SEC24B: variants seen among roughly 807,000 people sequenced by gnomAD.
The protein encoded by SEC24B is SEC24 homolog B, COPII component.
In SEC24B, 45 loss-of-function variants were observed where a neutral mutation model predicts 142.8. That is an observed-to-expected ratio of 0.32 (90% CI 0.25 to 0.40). SEC24B has a LOEUF of 0.40. Ranked by LOEUF, SEC24B falls within the 10% of genes least tolerant of loss-of-function variation. The pLI, the probability that SEC24B is intolerant of heterozygous loss-of-function variation, is 1.00. For missense variants in SEC24B, 1,409 were observed against 1,526.8 expected (o/e 0.92, Z 1.29); for synonymous variants, 574 against 568.2 (o/e 1.01, Z -0.15).
chr4:109,531,691 G>T (rs1017800103), intron 20 of SEC24B, among the ~76,000 whole-genome samples, 169 bp downstream of exon 20: 7 of 152,112 alleles, frequency 4.6e-5, no homozygotes, highest in African/African-American at 1.7e-4. Context: ...TGATTGGATG[G>T]CAGGACTCTT....
At position 109,454,493 on chromosome 4, in the gene SEC24B, G is replaced by A. The variant is rs1329807840; in HGVS notation, c.134-8408G>A. Among the ~76,000 whole-genome samples, 8 of 150,862 alleles carry A rather than the reference G, an allele frequency of 5.3e-5. No individual in the cohort carries two copies. In the East Asian group the frequency reaches 5.9e-4, roughly 11 times the overall value. Reference sequence around the variant, plus strand: ...GTGGAGATTGGGGTGAGCTGAGATCGCACCACTGCACTCCAGCCTGGGTGA... The same window carrying A: ...GTGGAGATTGGGGTGAGCTGAGATCACACCACTGCACTCCAGCCTGGGTGA... On this transcript the variant is annotated intron_variant, in intron 1 of 23. Coordinates refer to ENST00000265175, the MANE Select transcript of SEC24B (RefSeq NM_006323.5).
rs561477110 is a variant in SEC24B, at chr4:109,512,517, A to C, written c.1903+434A>C. On this transcript the variant is annotated intron_variant, in intron 9 of 23. Transcript: ENST00000265175. ...CCCTACTAGAGTTGCTTTCAAATTTATGTTTCTCTGTCTGATTTTTTTCCA... is the reference window on the plus strand; with the variant it reads ...CCCTACTAGAGTTGCTTTCAAATTTCTGTTTCTCTGTCTGATTTTTTTCCA... 9.2e-5 allele frequency among the ~76,000 whole-genome samples: 14 copies of C among 152,058 alleles called. 1 individual carries two copies. The South Asian group carries it at 2.9e-3, about 32-fold the overall frequency.
At chr4:109,492,364 C>T (rs143661807) in intron 5 of SEC24B, among the ~76,000 whole-genome samples, 60 of 152,170 alleles carry the variant, frequency 3.9e-4, no homozygotes, top group African/African-American at 1.4e-3. Context: ...CAAAAACAAT[C>T]TCTTATCAAG....
In SEC24B at chr4:109,520,496, G is replaced by A. The variant is rs76320679; in HGVS notation, c.2245+12G>A. The A allele has an allele frequency of 7.9e-3, 11,932 of 1,508,978 alleles. 125 individuals are homozygous for A. Among genetic ancestry groups the A allele is most frequent in the African/African-American group, 0.041 (2,964 of 72,542 alleles). The allele number at this position is 1,508,978 out of a possible 1,614,324, so 93.5% of individuals were successfully genotyped here. The stretch of plus-strand genomic sequence containing the variant: ...GTCTGATATAGATGGTAAGCAGTCA[G>A]TAAAATAAAAGCCTTTCTAACTACG... On this transcript the variant is annotated intron_variant, in intron 12 of 23. Coordinates refer to ENST00000265175, the MANE Select transcript of SEC24B (RefSeq NM_006323.5).
chr4:109,437,486 C>T (rs891651739), intron 1 of SEC24B, among the ~76,000 whole-genome samples: 1 of 152,094 alleles, frequency 6.6e-6, no homozygotes, highest in Non-Finnish European at 1.5e-5. Flanking sequence ...GACTGAGTCT[C>T]ACCATGTTGC....
intron 22 of SEC24B, among the ~76,000 whole-genome samples, chr4:109,536,558 C>G (rs1447987780): frequency 6.6e-6 from 1 of 152,150 alleles, no homozygotes; most frequent in Non-Finnish European, 1.5e-5. Flanking sequence ...GAGATGGAGT[C>G]TCACTCTGTC....
At chr4:109,436,731 C>T (rs569482716) in intron 1 of SEC24B, among the ~76,000 whole-genome samples, 2 of 152,304 alleles carry the variant, frequency 1.3e-5, no homozygotes, top group South Asian at 4.2e-4. Flanking sequence ...TGAGTCCCCA[C>T]CCATCATCCC....
chr4:109,465,504 C>T (rs1288843634), intron 2 of SEC24B, among the ~76,000 whole-genome samples: 1 of 152,174 alleles, frequency 6.6e-6, no homozygotes, highest in Non-Finnish European at 1.5e-5. Context: ...TCTTCTGTCT[C>T]CCTCAGAACC....
chr4:109,503,579 C>G (rs13133491), intron 6 of SEC24B, among the ~76,000 whole-genome samples: 15,602 of 152,106 alleles, frequency 0.1, 894 homozygotes, highest in Middle Eastern at 0.19. Context: ...AAACTGGCCT[C>G]GAACTCCTGA....
rs1579004068 is a variant in SEC24B, at chr4:109,531,590, G to C, written c.3390+68G>C. The C allele has an allele frequency of 2.5e-6, 3 of 1,209,778 alleles. No individual in the cohort carries two copies. The East Asian group carries it at 7.1e-5, about 29-fold the overall frequency. 74.9% of individuals were successfully genotyped at this position (1,209,778 alleles called of 1,614,324 possible). On this transcript the variant is annotated intron_variant, in intron 20 of 23. Coordinates refer to ENST00000265175, the MANE Select transcript of SEC24B (RefSeq NM_006323.5). Reference sequence around the variant, plus strand: ...TTTGAGTGTCTTGTTCTACAGCTAAGATGATAATATACTATCAACTGGTTT... The same window carrying C: ...TTTGAGTGTCTTGTTCTACAGCTAACATGATAATATACTATCAACTGGTTT...
At chr4:109,475,879 A>G (rs1186545043) in intron 3 of SEC24B, among the ~76,000 whole-genome samples, 6 of 152,138 alleles carry the variant, frequency 3.9e-5, no homozygotes, top group Non-Finnish European at 8.8e-5. Flanking sequence ...CATGACCATA[A>G]TATATAAAAT....
chr4:109,526,523 A>C, intron 17 of SEC24B, 124 bp downstream of exon 17: 1 of 621,942 alleles, frequency 1.6e-6, no homozygotes, highest in East Asian at 3.1e-5. Context: ...TGTATTAGTT[A>C]ATCAAACATA....
At chr4:109,462,720 G>A (rs1731400627) in intron 1 of SEC24B, among the ~76,000 whole-genome samples, 181 bp from the exon 2 acceptor site, 5 of 152,174 alleles carry the variant, frequency 3.3e-5, no homozygotes, top group Non-Finnish European at 7.3e-5. Flanking sequence ...ATAACAGGAG[G>A]TGGGGATCAT....
intron 2 of SEC24B, 119 bp downstream of exon 2, chr4:109,463,763 A>C: frequency 4.1e-6 from 6 of 1,448,152 alleles, no homozygotes; most frequent in South Asian, 2.9e-5. Context: ...GAAGTTTGCT[A>C]ATTTATTGTG....
chr4:109,460,609 A>G lies in SEC24B; in HGVS notation c.134-2292A>G, dbSNP rs1731151120. On this transcript the variant is annotated intron_variant, in intron 1 of 23. Coordinates refer to ENST00000265175, the MANE Select transcript of SEC24B (RefSeq NM_006323.5). ...GATTGCCTGATTCAAATTCCGGCCC[A>G]TTTAGTTCCTAAGCATGTAACTGTG... Among the ~76,000 whole-genome samples the G allele has an allele frequency of 2.0e-5, 3 of 152,084 alleles. 1 individual carries two copies. In the South Asian group the frequency reaches 6.2e-4, roughly 31 times the overall value.
chr4:109,456,353 T>TTTTA (rs1553995174), intron 1 of SEC24B, among the ~76,000 whole-genome samples: 7 of 148,774 alleles, frequency 4.7e-5, no homozygotes, highest in Non-Finnish European at 8.9e-5. Context: ...TTTTTTTTTT[T>TTTTA]ACTCCTTTCC....
At chr4:109,476,605 G>T (rs1733173588) in intron 3 of SEC24B, among the ~76,000 whole-genome samples, 1 of 152,068 alleles carries the variant, frequency 6.6e-6, no homozygotes, top group Non-Finnish European at 1.5e-5. Context: ...GCTTTATTTT[G>T]CTTTTACTCT....
chr4:109,479,796 A>T (rs35473144), intron 3 of SEC24B, among the ~76,000 whole-genome samples: 1 of 145,938 alleles, frequency 6.9e-6, no homozygotes, highest in Non-Finnish European at 1.5e-5. Context: ...TTTGTTTTTG[A>T]TATTGTTTCT....
intron 1 of SEC24B, among the ~76,000 whole-genome samples, chr4:109,444,625 G>A (rs1302372033): frequency 6.6e-6 from 1 of 152,106 alleles, no homozygotes; most frequent in Non-Finnish European, 1.5e-5. Context: ...ATGCTACTGA[G>A]ACAGATATGT....
Sources: allele counts gnomAD v4.1 joint callset (sites outside exome capture counted in the v4.1 genomes callset), GRCh38; gene constraint gnomAD v4.1.1; transcripts MANE v1.5; gene names NCBI Gene and HGNC (gene_info 2026-07-23, HGNC 2026-07-21).